EIF2AK4: variants seen among roughly 807,000 people sequenced by gnomAD.
EIF2AK4 encodes eukaryotic translation initiation factor 2 alpha kinase 4, also known as eIF-2-alpha kinase GCN2.
Under a neutral mutation model 211.1 loss-of-function variants are expected in EIF2AK4, and 139 were observed. The ratio of observed to expected loss-of-function variants is 0.66; its 90% CI spans 0.57 to 0.76. EIF2AK4 has a LOEUF of 0.76. Ranked by LOEUF, EIF2AK4 falls within the 30% of genes least tolerant of loss-of-function variation. The pLI is 0.00. For synonymous variants in EIF2AK4, 710 were observed against 751.3 expected (o/e 0.94, Z 0.90); for missense variants, 1,664 against 2,043.8 (o/e 0.81, Z 3.58).
intron 16 of EIF2AK4, 76 bp downstream of exon 16, chr15:39,990,453 A>G (rs1180426368): frequency 1.6e-6 from 2 of 1,243,802 alleles, no homozygotes; most frequent in Admixed American, 1.8e-5. Flanking sequence ...GTTAGCGGAT[A>G]GAATAGTGCG....
chr15:39,960,785 CA>C (rs989453580), intron 6 of EIF2AK4, among the ~76,000 whole-genome samples: 2 of 152,234 alleles, frequency 1.3e-5, no homozygotes, highest in African/African-American at 4.8e-5. Flanking sequence ...GGACTGAGGA[CA>C]GGGGTAGCCA....
At chr15:39,990,963 G>A (rs1024885629) in intron 16 of EIF2AK4, among the ~76,000 whole-genome samples, 1 of 152,212 alleles carries the variant, frequency 6.6e-6, no homozygotes, top group African/African-American at 2.4e-5. Flanking sequence ...CTGACTGGTC[G>A]AAACTGTGAG....
chr15:39,990,606 A>G (rs534025166), intron 16 of EIF2AK4, among the ~76,000 whole-genome samples: 51 of 152,200 alleles, frequency 3.4e-4, no homozygotes, highest in African/African-American at 1.1e-3. Context: ...TTGGCTTGGG[A>G]ACAATATTGT....
intron 1 of EIF2AK4, among the ~76,000 whole-genome samples, chr15:39,937,950 T>C (rs2140895200): frequency 6.6e-6 from 1 of 152,374 alleles, no homozygotes; most frequent in East Asian, 1.9e-4. Context: ...TTCAAGTCTC[T>C]TTTTTTCCTT....
At chr15:40,023,411 C>T (rs750177495) in intron 32 of EIF2AK4, among the ~76,000 whole-genome samples, 10 of 151,980 alleles carry the variant, frequency 6.6e-5, no homozygotes, top group Non-Finnish European at 2.9e-5. Context: ...AGAGTGTTCT[C>T]TCCTCTTCTG....
At chr15:39,950,344 C>T (rs2034289418) in intron 4 of EIF2AK4, among the ~76,000 whole-genome samples, 2 of 151,972 alleles carry the variant, frequency 1.3e-5, no homozygotes, top group South Asian at 4.1e-4. Context: ...GCCTGCAATC[C>T]CAGGACTTTG....
At chr15:40,012,266 A>ACAG (rs2035245050) in intron 27 of EIF2AK4, among the ~76,000 whole-genome samples, 1 of 152,204 alleles carries the variant, frequency 6.6e-6, no homozygotes, top group Non-Finnish European at 1.5e-5. Context: ...GGGGATATGC[A>ACAG]CAGCATGTAT....
chr15:40,029,060 T>C (rs1402540585), intron 33 of EIF2AK4, among the ~76,000 whole-genome samples: 1 of 152,198 alleles, frequency 6.6e-6, no homozygotes. Flanking sequence ...GGGCTGCTGT[T>C]ATTCATGTTT....
chr15:39,954,789 T>C (rs890046388), intron 5 of EIF2AK4, among the ~76,000 whole-genome samples: 1 of 152,218 alleles, frequency 6.6e-6, no homozygotes, highest in Non-Finnish European at 1.5e-5. Flanking sequence ...ATTTTACTCA[T>C]TCTCTTTTAC....
rs1262689014 is a variant in EIF2AK4, at chr15:40,002,703, C to A, written c.3160-10C>A. On this transcript the variant is annotated splice_polypyrimidine_tract_variant and intron_variant, in intron 21 of 38. Transcript: ENST00000263791. ...CTTCAATGATGATGTTTTAATCGGTCCTGTTTTAGGGCAACTTCTCAATCC... is the reference window on the plus strand; with the variant it reads ...CTTCAATGATGATGTTTTAATCGGTACTGTTTTAGGGCAACTTCTCAATCC... 2.2e-5 allele frequency: 36 copies of A among 1,613,986 alleles called. No individual in the cohort carries two copies. Among genetic ancestry groups the A allele is most frequent in the Non-Finnish European group, 2.9e-5 (34 of 1,179,934 alleles).
intron 7 of EIF2AK4, among the ~76,000 whole-genome samples, chr15:39,964,490 G>A (rs1045732918): frequency 1.4e-4 from 22 of 152,136 alleles, no homozygotes; most frequent in Admixed American, 3.3e-4. Context: ...CATCTAGTGG[G>A]TAGATACCAG....
At chr15:39,938,932 G>A (rs539470312) in intron 1 of EIF2AK4, among the ~76,000 whole-genome samples, 3 of 152,242 alleles carry the variant, frequency 2.0e-5, no homozygotes, top group Admixed American at 6.5e-5. Flanking sequence ...GGTATTTTGC[G>A]ATTTGGTGAA....
intron 6 of EIF2AK4, among the ~76,000 whole-genome samples, chr15:39,956,637 A>G (rs548954836): frequency 2.6e-5 from 4 of 152,342 alleles, no homozygotes; most frequent in African/African-American, 7.2e-5. Context: ...TTTTCACTGA[A>G]GAATTCCAAC....
At chr15:40,021,968 C>G (rs1257819687) in intron 31 of EIF2AK4, 1 of 152,236 alleles carries the variant, frequency 6.6e-6, no homozygotes, top group Non-Finnish European at 1.5e-5. Flanking sequence ...TTTGACAGAA[C>G]AGTGTCCTCT....
In EIF2AK4 at chr15:39,949,185, T is replaced by C; in HGVS notation, c.430T>C (p.Ser144Pro). 6.2e-7 allele frequency: 1 copy of C among 1,613,990 alleles called. No homozygotes were observed. Among genetic ancestry groups the C allele is most frequent in the Non-Finnish European group, 8.5e-7 (1 of 1,180,014 alleles). ...CGAGCATAACAAGCCCCCTCCCAAGTCTTTTCATGAAGAAATGCTGGAAAG... is the reference window on the plus strand; with the variant it reads ...CGAGCATAACAAGCCCCCTCCCAAGCCTTTTCATGAAGAAATGCTGGAAAG... ...LSEHNKPPPK[S>P]FHEEMLERRA... The change falls in exon 4 of 39, where the codon TCT becomes CCT. Residue 144 changes from serine (S) to proline (P), a missense_variant. Physicochemically the swap from Ser to Pro is moderately conservative, Grantham distance 74. Around this residue, in one of 7 missense-constraint regions of EIF2AK4, gnomAD observed 641 missense variants for 729.6 expected, o/e 0.88. Coordinates refer to ENST00000263791, the MANE Select transcript of EIF2AK4 (RefSeq NM_001013703.4).
chr15:39,976,265 A>T, intron 11 of EIF2AK4, 149 bp from the exon 12 acceptor site: 2 of 769,396 alleles, frequency 2.6e-6, no homozygotes, highest in Non-Finnish European at 3.8e-6. Flanking sequence ...AGCTTTCTTC[A>T]GTTTAAGAAT....
intron 18 of EIF2AK4, among the ~76,000 whole-genome samples, chr15:39,994,226 A>AT (rs2034988776): frequency 6.6e-6 from 1 of 152,228 alleles, no homozygotes; most frequent in African/African-American, 2.4e-5. Context: ...AATCAGAAGG[A>AT]TAAATTTGAA....
At chr15:40,003,933 A>G (rs1237730225) in intron 23 of EIF2AK4, among the ~76,000 whole-genome samples, 1 of 152,248 alleles carries the variant, frequency 6.6e-6, no homozygotes, top group African/African-American at 2.4e-5. Flanking sequence ...TACAGAAAGC[A>G]CTGACAAGTG....
intron 32 of EIF2AK4, among the ~76,000 whole-genome samples, chr15:40,024,780 G>A (rs554079774): frequency 4.0e-4 from 59 of 149,134 alleles, no homozygotes; most frequent in African/African-American, 1.3e-3. Context: ...CTATGTTGGA[G>A]TGCAGTGGCG....
Sources: allele counts gnomAD v4.1 joint callset (sites outside exome capture counted in the v4.1 genomes callset), GRCh38; gene constraint gnomAD v4.1.1; regional missense constraint gnomAD v4.1.1; transcripts MANE v1.5; gene names NCBI Gene and HGNC (gene_info 2026-07-23, HGNC 2026-07-21).